The following PCDHGB2 variants were observed in gnomAD, a reference collection of about 807,000 sequenced individuals.
The protein encoded by PCDHGB2 is protocadherin gamma-B2.
A neutral mutation model predicts 59.3 loss-of-function variants in PCDHGB2; 55 were observed. The ratio of observed to expected loss-of-function variants is 0.93; its 90% CI spans 0.75 to 1.16. PCDHGB2 has a LOEUF of 1.16. Ranked by LOEUF, PCDHGB2 falls within the 50% of genes most tolerant of loss-of-function variation. The pLI, the probability that PCDHGB2 is intolerant of heterozygous loss-of-function variation, is 0.00. For synonymous variants in PCDHGB2, 516 were observed against 512.0 expected, an observed-to-expected ratio of 1.01 and a Z score of -0.11; for missense variants, 1,228 against 1,198.5, an observed-to-expected ratio of 1.02 and a Z score of -0.36.
At position 141,491,960 on chromosome 5, in the gene PCDHGB2, A is replaced by T. The variant is rs1380758016; in HGVS notation, c.2422-2847A>T. The T allele has an allele frequency of 1.0e-6, 1 of 984,842 alleles. No individual in the cohort carries two copies. The highest frequency in any genetic ancestry group is 3.0e-5 in the East Asian group (1 of 33,312). 61.0% of individuals were successfully genotyped at this position (984,842 alleles called of 1,614,324 possible). A position where few individuals can be genotyped will look rare whatever the true frequency, so the allele number is the denominator to read the frequency against. On this transcript the variant is annotated intron_variant, in intron 1 of 3. Coordinates refer to ENST00000522605, the MANE Select transcript of PCDHGB2 (RefSeq NM_018923.3). The surrounding 1 kb of genome is among the most constrained non-coding windows in gnomAD (Gnocchi z 6.9). ...CGACCCCCACCCCTACACTCAAAAA[A>T]GGCCGGGGCCTCCTTCGAGCTTCCG...
chr5:141,435,444 A>G (rs1471113812), intron 1 of PCDHGB2, among the ~76,000 whole-genome samples: 1 of 152,216 alleles, frequency 6.6e-6, no homozygotes, highest in East Asian at 1.9e-4. Flanking sequence ...TTTCATTAAT[A>G]CGATATCTGT....
chr5:141,413,485 G>C lies in PCDHGB2; in HGVS notation c.2421+50929G>C, dbSNP rs184712199. ...CCGGGAGGAGCTCTGCGCTCAGAGC[G>C]CGCGGTGCGTGGTGAGTTTTAATAT... is the stretch of plus-strand genomic sequence containing the variant. On this transcript the variant is annotated intron_variant, in intron 1 of 3. Coordinates refer to ENST00000522605, the MANE Select transcript of PCDHGB2 (RefSeq NM_018923.3). 439 of 1,614,058 alleles carry C rather than the reference G, an allele frequency of 2.7e-4. 1 individual carries two copies. In the African/African-American group the frequency reaches 4.6e-3, roughly 17 times the overall value.
At chr5:141,508,815 C>T (rs1190983144) in intron 3 of PCDHGB2, among the ~76,000 whole-genome samples, 1 of 152,138 alleles carries the variant, frequency 6.6e-6, no homozygotes, top group East Asian at 1.9e-4. Context: ...TCTTTGAAGC[C>T]AGATCTGGGC....
At chr5:141,400,500 C>T (rs1025270322) in intron 1 of PCDHGB2, 1 of 1,613,922 alleles carries the variant, frequency 6.2e-7, no homozygotes, top group Non-Finnish European at 8.5e-7. Flanking sequence ...GTAATTCCAG[C>T]GAGTCGACTT....
intron 1 of PCDHGB2, chr5:141,408,489 G>A: frequency 6.2e-7 from 1 of 1,614,076 alleles, no homozygotes; most frequent in Non-Finnish European, 8.5e-7. Flanking sequence ...GAGCAAATAT[G>A]CAAAGAGAGA....
At chr5:141,372,324 G>A (rs559633972) in intron 1 of PCDHGB2, 3 of 1,613,704 alleles carry the variant, frequency 1.9e-6, no homozygotes, top group East Asian at 2.2e-5. Context: ...GCGCCTGCTG[G>A]TCACTGTGCG....
chr5:141,375,216 T>A (rs1368760534), intron 1 of PCDHGB2: 1 of 1,614,014 alleles, frequency 6.2e-7, no homozygotes, highest in Admixed American at 1.7e-5. Context: ...GACTCTGGCC[T>A]GAATGGCCTG....
rs763582836 is a variant in PCDHGB2 at position 141,404,442 on chromosome 5, A to G, written c.2421+41886A>G. Reference sequence around the variant, plus strand: ...TACTCCTTGGCAGAGGATACCATCCAAGGGTCTCCTCTCTCCACCTATGTC... The same window carrying G: ...TACTCCTTGGCAGAGGATACCATCCGAGGGTCTCCTCTCTCCACCTATGTC... On this transcript the variant is annotated intron_variant, in intron 1 of 3. Transcript: ENST00000522605. 21 of 1,610,906 alleles carry G rather than the reference A, an allele frequency of 1.3e-5. No homozygotes were observed. In the Admixed American group the frequency reaches 3.5e-4, roughly 27 times the overall value.
intron 1 of PCDHGB2, chr5:141,371,379 G>A (rs993730534): frequency 6.2e-7 from 1 of 1,613,974 alleles, no homozygotes; most frequent in Non-Finnish European, 8.5e-7. Flanking sequence ...ACATCACACT[G>A]CATATTGTAA....
At chr5:141,416,215 A>G (rs969061407) in intron 1 of PCDHGB2, 1 of 152,400 alleles carries the variant, frequency 6.6e-6, no homozygotes, top group Non-Finnish European at 1.5e-5. Flanking sequence ...ATAACAATGT[A>G]TGCTTAGATT....
chr5:141,498,273 A>G (rs1595516143), intron 2 of PCDHGB2, among the ~76,000 whole-genome samples: 1 of 152,038 alleles, frequency 6.6e-6, no homozygotes, highest in East Asian at 1.9e-4. Flanking sequence ...TCTTCAGTAA[A>G]CTTGGTTCAA....
chr5:141,457,466 A>C (rs1404739941), intron 1 of PCDHGB2, among the ~76,000 whole-genome samples: 1 of 152,356 alleles, frequency 6.6e-6, no homozygotes, highest in East Asian at 1.9e-4. Context: ...ATTCACAGGA[A>C]TAAGCAGGGC....
intron 1 of PCDHGB2, chr5:141,388,912 C>T: frequency 6.2e-7 from 1 of 1,613,946 alleles, no homozygotes; most frequent in Non-Finnish European, 8.5e-7. Flanking sequence ...GACAACGCCC[C>T]AGAAGTGATA....
At chr5:141,421,363 G>T (rs749916401) in intron 1 of PCDHGB2, 2 of 1,613,898 alleles carry the variant, frequency 1.2e-6, no homozygotes, top group South Asian at 2.2e-5. Flanking sequence ...GGGCTCCTTC[G>T]TGGGCAATAT....
At chr5:141,480,221 T>C (rs2099514536) in intron 1 of PCDHGB2, among the ~76,000 whole-genome samples, 1 of 149,748 alleles carries the variant, frequency 6.7e-6, no homozygotes, top group Admixed American at 6.7e-5. Context: ...CTGAGCGACA[T>C]AGTGAGATCC....
At chr5:141,393,276 C>T (rs773579763) in intron 1 of PCDHGB2, 1 of 1,613,968 alleles carries the variant, frequency 6.2e-7, no homozygotes, top group African/African-American at 1.3e-5. Context: ...TTATCCACTC[C>T]CAGAAGCTGT....
intron 1 of PCDHGB2, chr5:141,408,444 G>A (rs2095109468): frequency 6.2e-6 from 10 of 1,613,960 alleles, no homozygotes; most frequent in Non-Finnish European, 7.6e-6. Context: ...GACGCGGAGA[G>A]CGGGGACTTA....
At chr5:141,389,862 C>T (rs2091950734) in intron 1 of PCDHGB2, 1 of 1,613,964 alleles carries the variant, frequency 6.2e-7, no homozygotes, top group African/African-American at 1.3e-5. Flanking sequence ...CACGTTGCAC[C>T]TGGTCTTCGC....
chr5:141,413,176 A>G lies in PCDHGB2; in HGVS notation c.2421+50620A>G, dbSNP rs758582296. 252 of 1,601,774 alleles carry G rather than the reference A, an allele frequency of 1.6e-4. 1 individual carries two copies. Among genetic ancestry groups the G allele is most frequent in the Non-Finnish European group, 2.1e-4 (243 of 1,173,006 alleles). Reference sequence around the variant, plus strand: ...TGCAGAATTCTGTAACCAGACTACAATGGCCGCTCAAAGGAATCGCTCAAA... The same window carrying G: ...TGCAGAATTCTGTAACCAGACTACAGTGGCCGCTCAAAGGAATCGCTCAAA... On this transcript the variant is annotated intron_variant, in intron 1 of 3. Coordinates refer to ENST00000522605, the MANE Select transcript of PCDHGB2 (RefSeq NM_018923.3).
Sources: gnomAD v4.1 joint callset for allele counts (sites outside exome capture counted in the v4.1 genomes callset) on GRCh38, gnomAD v4.1.1 for gene constraint, Gnocchi (gnomAD v3.1) non-coding constraint, MANE v1.5 for transcripts, NCBI Gene and HGNC (gene_info 2026-07-23, HGNC 2026-07-21) for gene names.